Variants in MAP3K7CL observed in about 807,000 individuals in gnomAD.
MAP3K7CL encodes the protein MAP3K7 C-terminal-like protein.
In MAP3K7CL, 16 loss-of-function variants were observed where a neutral mutation model predicts 18.6. That is an observed-to-expected ratio of 0.86 (90% CI 0.58 to 1.31). The LOEUF (loss-of-function observed/expected upper bound fraction) is 1.31. MAP3K7CL is among the 50% of genes most tolerant of loss of function. The pLI, the probability that MAP3K7CL is intolerant of heterozygous loss-of-function variation, is 0.00. For synonymous variants in MAP3K7CL, 65 were observed against 66.8 expected, an observed-to-expected ratio of 0.97 and a Z score of 0.13; for missense variants, 163 against 174.4, an observed-to-expected ratio of 0.93 and a Z score of 0.37.
intron 3 of MAP3K7CL, among the ~76,000 whole-genome samples, 181 bp downstream of exon 3, chr21:29,149,431 T>C (rs973677756): frequency 6.6e-6 from 1 of 152,220 alleles, no homozygotes; most frequent in Non-Finnish European, 1.5e-5. Context: ...GGAATGCCCC[T>C]GTCTGGTTAT....
At chr21:29,109,008 T>A in intron 4 of MAP3K7CL, 1 of 1,499,944 alleles carries the variant, frequency 6.7e-7, no homozygotes, top group Non-Finnish European at 8.9e-7. Flanking sequence ...CCAAATAATT[T>A]TCTAGAATCA....
At chr21:29,136,827 G>A (rs2086896685) in intron 2 of MAP3K7CL, among the ~76,000 whole-genome samples, 1 of 152,082 alleles carries the variant, frequency 6.6e-6, no homozygotes, top group African/African-American at 2.4e-5. Context: ...GGCCCGACAT[G>A]TTCATTTCTG....
chr21:29,139,472 T>C (rs1179047773), intron 2 of MAP3K7CL: 2 of 152,198 alleles, frequency 1.3e-5, no homozygotes, highest in Non-Finnish European at 2.9e-5. Flanking sequence ...TCCGAAGTAA[T>C]CTTCGGATCT....
chr21:29,166,124 A>G (rs1007626374), intron 4 of MAP3K7CL, among the ~76,000 whole-genome samples: 3 of 152,130 alleles, frequency 2.0e-5, no homozygotes, highest in African/African-American at 7.2e-5. Flanking sequence ...AACTGTAACT[A>G]TGTACTCACT....
At chr21:29,152,993 C>T (rs2087312978) in intron 3 of MAP3K7CL, among the ~76,000 whole-genome samples, 1 of 152,190 alleles carries the variant, frequency 6.6e-6, no homozygotes, top group African/African-American at 2.4e-5. Flanking sequence ...TAAAATGCTG[C>T]TATAAAATAG....
intron 3 of MAP3K7CL, among the ~76,000 whole-genome samples, chr21:29,153,812 G>A (rs1391195544): frequency 6.6e-6 from 1 of 152,158 alleles, no homozygotes; most frequent in East Asian, 1.9e-4. Context: ...CTAAAAGATG[G>A]TGGCATCCTT....
chr21:29,110,961 A>G (rs2086408682), intron 4 of MAP3K7CL, among the ~76,000 whole-genome samples: 1 of 152,104 alleles, frequency 6.6e-6, no homozygotes, highest in African/African-American at 2.4e-5. Context: ...TCCATGTAAA[A>G]AATGTTCCTT....
intron 4 of MAP3K7CL, among the ~76,000 whole-genome samples, chr21:29,124,269 G>A (rs575473204): frequency 4.1e-5 from 6 of 145,278 alleles, no homozygotes; most frequent in East Asian, 2.2e-4. Flanking sequence ...CAGGAGAATC[G>A]TTTGAACCTG....
Position 29,163,352 on chromosome 21 carries a change from T to TTATA in MAP3K7CL, c.248+3304_248+3307dup, listed in dbSNP as rs144937981. 3.3e-5 allele frequency among the ~76,000 whole-genome samples: 5 copies of TTATA among 152,220 alleles called. No individual in the cohort carries two copies. The South Asian group carries it at 1.0e-3, about 32-fold the overall frequency. The stretch of plus-strand genomic sequence containing the variant: ...GTAGGGCCAAGGCCAAATTCTTTCA[T>TTATA]TATATATATATTTTCTTTTTCGTAA... On this transcript the variant is annotated intron_variant, in intron 4 of 4. Transcript: ENST00000399928.
At chr21:29,117,689 A>T (rs187906415) in intron 4 of MAP3K7CL, among the ~76,000 whole-genome samples, 10 of 152,338 alleles carry the variant, frequency 6.6e-5, no homozygotes, top group Non-Finnish European at 1.3e-4. Context: ...CTATTTTAGG[A>T]TGTGATGGCT....
chr21:29,118,746 G>A (rs576062247), intron 4 of MAP3K7CL, among the ~76,000 whole-genome samples: 1 of 152,346 alleles, frequency 6.6e-6, no homozygotes, highest in East Asian at 1.9e-4. Context: ...TGGAGGAAAG[G>A]AGGACAAATT....
intron 2 of MAP3K7CL, chr21:29,091,629 C>A: frequency 1.4e-6 from 1 of 701,330 alleles, no homozygotes; most frequent in Non-Finnish European, 2.6e-6. Flanking sequence ...GCGTGCACCA[C>A]CACATCCAGC....
intron 4 of MAP3K7CL, among the ~76,000 whole-genome samples, chr21:29,119,235 C>T (rs1257156263): frequency 6.6e-6 from 1 of 152,204 alleles, no homozygotes; most frequent in African/African-American, 2.4e-5. Context: ...AAATAGTCAA[C>T]GATGGTTATT....
At chr21:29,117,998 T>C (rs1343517529) in intron 4 of MAP3K7CL, among the ~76,000 whole-genome samples, 1 of 151,660 alleles carries the variant, frequency 6.6e-6, no homozygotes, top group African/African-American at 2.4e-5. Flanking sequence ...ATTCTGTGGA[T>C]AATTATTTTT....
intron 3 of MAP3K7CL, among the ~76,000 whole-genome samples, chr21:29,156,316 A>C (rs887008198): frequency 6.6e-6 from 1 of 152,242 alleles, no homozygotes; most frequent in African/African-American, 2.4e-5. Context: ...AGAAGTTAAT[A>C]GATGTTTTCT....
intron 1 of MAP3K7CL, among the ~76,000 whole-genome samples, chr21:29,080,006 G>A (rs2085809642): frequency 6.6e-6 from 1 of 152,158 alleles, no homozygotes; most frequent in African/African-American, 2.4e-5. Context: ...GGAACGAGAA[G>A]GGTGAAATGG....
At chr21:29,163,882 G>C (rs1286361256) in intron 4 of MAP3K7CL, among the ~76,000 whole-genome samples, 2 of 151,856 alleles carry the variant, frequency 1.3e-5, no homozygotes, top group Non-Finnish European at 2.9e-5. Context: ...TTTTTTTAAA[G>C]AGATGGCATC....
At chr21:29,113,335 A>G (rs570619151) in intron 4 of MAP3K7CL, among the ~76,000 whole-genome samples, 2 of 152,262 alleles carry the variant, frequency 1.3e-5, no homozygotes, top group African/African-American at 4.8e-5. Context: ...CTTCCAACTC[A>G]TGCAATATTA....
chr21:29,131,622 G>A (rs983326453), intron 1 of MAP3K7CL: 5 of 152,140 alleles, frequency 3.3e-5, no homozygotes, highest in African/African-American at 1.2e-4. Flanking sequence ...AGAATTACAT[G>A]ATATGGACAG....
Sources: gnomAD v4.1 joint callset for allele counts (sites outside exome capture counted in the v4.1 genomes callset) on GRCh38, gnomAD v4.1.1 for gene constraint, MANE v1.5 for transcripts, NCBI Gene and HGNC (gene_info 2026-07-23, HGNC 2026-07-21) for gene names.